Variants in NUDCD1 observed in about 807,000 individuals in gnomAD.
NUDCD1 encodes the protein nudC domain-containing protein 1.
NUDCD1 carries 60 observed loss-of-function variants against 67.8 expected under a neutral mutation model. The ratio of observed to expected loss-of-function variants is 0.88; its 90% CI spans 0.72 to 1.10. NUDCD1 has a LOEUF of 1.10. Among genes scored for constraint, NUDCD1 ranks in the 50% least tolerant of loss-of-function variants. The pLI is 0.00. For missense variants in NUDCD1, 643 were observed against 695.0 expected (o/e 0.93, Z 0.84); for synonymous variants, 244 against 230.8 (o/e 1.06, Z -0.52).
At chr8:109,277,029 T>C (rs1028410888) in intron 6 of NUDCD1, among the ~76,000 whole-genome samples, 2 of 152,154 alleles carry the variant, frequency 1.3e-5, no homozygotes, top group African/African-American at 4.8e-5. Context: ...ATAATAATAG[T>C]AATAATGACC....
Position 109,270,721 on chromosome 8 carries a change from G to GA in NUDCD1, c.1299+283dup, listed in dbSNP as rs79599516. On this transcript the variant is annotated intron_variant, in intron 8 of 9. Coordinates refer to ENST00000239690, the MANE Select transcript of NUDCD1 (RefSeq NM_032869.4). ...AACACTTAAGTCCATACTGTTGAAT[G>GA]AAAAAAAAAAAGTGAAGTTATTATA... is the stretch of plus-strand genomic sequence containing the variant. Among the ~76,000 whole-genome samples, 231 of 143,494 alleles carry GA rather than the reference G, an allele frequency of 1.6e-3. 1 individual carries two copies. The highest frequency in any genetic ancestry group is 4.4e-3 in the African/African-American group (173 of 39,500). 94.1% of individuals were successfully genotyped at this position (143,494 alleles called of 152,430 possible).
At chr8:109,284,340 G>A (rs985254808) in intron 5 of NUDCD1, among the ~76,000 whole-genome samples, 26 of 152,058 alleles carry the variant, frequency 1.7e-4, no homozygotes, top group Non-Finnish European at 7.4e-5. Context: ...CAATAGTGGG[G>A]AACTTCAACA....
chr8:109,331,829 T>A (rs1815815257), intron 1 of NUDCD1, among the ~76,000 whole-genome samples: 2 of 152,238 alleles, frequency 1.3e-5, no homozygotes, highest in African/African-American at 4.8e-5. Flanking sequence ...TATATTGTAA[T>A]GGCTCAATAC....
At chr8:109,253,807 CTG>C (rs1217813751) in intron 8 of NUDCD1, among the ~76,000 whole-genome samples, 3 of 152,104 alleles carry the variant, frequency 2.0e-5, no homozygotes, top group Admixed American at 6.6e-5. Flanking sequence ...AGTATACTTA[CTG>C]TATAATCCTA....
intron 2 of NUDCD1, among the ~76,000 whole-genome samples, chr8:109,319,390 G>C (rs1815479591): frequency 6.6e-6 from 1 of 152,178 alleles, no homozygotes; most frequent in African/African-American, 2.4e-5. Flanking sequence ...GAGACTATCT[G>C]GCCCACAAAG....
At chr8:109,326,671 T>C (rs1815689011) in intron 1 of NUDCD1, among the ~76,000 whole-genome samples, 1 of 152,124 alleles carries the variant, frequency 6.6e-6, no homozygotes, top group Non-Finnish European at 1.5e-5. Flanking sequence ...ACTTAGGGCC[T>C]CAAAAGAAGA....
At chr8:109,324,781 T>C (rs1815631728) in intron 1 of NUDCD1, among the ~76,000 whole-genome samples, 1 of 152,140 alleles carries the variant, frequency 6.6e-6, no homozygotes, top group Non-Finnish European at 1.5e-5. Flanking sequence ...CTGGAGGTCA[T>C]TAAGTGAAAT....
At chr8:109,325,255 G>A (rs780470495) in intron 1 of NUDCD1, among the ~76,000 whole-genome samples, 1 of 152,066 alleles carries the variant, frequency 6.6e-6, no homozygotes, top group African/African-American at 2.4e-5. Flanking sequence ...ACAATTAAAA[G>A]GATTAAGTTC....
intron 2 of NUDCD1, among the ~76,000 whole-genome samples, chr8:109,305,579 G>T (rs1397353544): frequency 6.6e-6 from 1 of 152,016 alleles, no homozygotes; most frequent in African/African-American, 2.4e-5. Context: ...GATACTACAG[G>T]GTACAATCCA....
chr8:109,300,885 G>C (rs900856464), intron 2 of NUDCD1, among the ~76,000 whole-genome samples: 13 of 152,212 alleles, frequency 8.5e-5, no homozygotes, highest in African/African-American at 1.2e-4. Context: ...AAACCTGTCA[G>C]ATTAACAGCA....
At chr8:109,330,643 G>A (rs888472082) in intron 1 of NUDCD1, among the ~76,000 whole-genome samples, 6 of 152,034 alleles carry the variant, frequency 3.9e-5, no homozygotes, top group African/African-American at 1.2e-4. Context: ...TTCAACTCCC[G>A]TATCTGTTCA....
intron 8 of NUDCD1, among the ~76,000 whole-genome samples, chr8:109,251,738 C>T (rs937379983): frequency 2.0e-5 from 3 of 151,986 alleles, no homozygotes; most frequent in Admixed American, 6.6e-5. Context: ...TCTATTATTT[C>T]CTTCTTTCAA....
At chr8:109,322,869 C>A (rs115869370) in intron 1 of NUDCD1, among the ~76,000 whole-genome samples, 148 of 152,242 alleles carry the variant, frequency 9.7e-4, no homozygotes, top group African/African-American at 3.5e-3. Flanking sequence ...ACTATTATCT[C>A]ATTCATTTTA....
At chr8:109,256,264 A>G (rs1813735484) in intron 8 of NUDCD1, among the ~76,000 whole-genome samples, 1 of 152,216 alleles carries the variant, frequency 6.6e-6, no homozygotes, top group Non-Finnish European at 1.5e-5. Flanking sequence ...TAAGATAATC[A>G]GGACTGGATG....
intron 2 of NUDCD1, 30 bp downstream of exon 2, chr8:109,322,279 T>C (rs569982118): frequency 8.1e-6 from 10 of 1,230,894 alleles, no homozygotes; most frequent in East Asian, 2.4e-5. Context: ...TACATACATA[T>C]ATTAATTATT....
intron 3 of NUDCD1, among the ~76,000 whole-genome samples, chr8:109,295,076 T>A (rs79438132): frequency 0.024 from 3,690 of 152,156 alleles, 140 homozygotes; most frequent in African/African-American, 0.084. Flanking sequence ...AGGCACAAGG[T>A]AGAATTAAGT....
At chr8:109,333,247 T>G (rs963663153) in intron 1 of NUDCD1, among the ~76,000 whole-genome samples, 76 of 152,222 alleles carry the variant, frequency 5.0e-4, no homozygotes, top group African/African-American at 1.6e-3. Flanking sequence ...TGCAGATCTC[T>G]GGGCTCTATC....
At chr8:109,323,904 T>G (rs997711090) in intron 1 of NUDCD1, among the ~76,000 whole-genome samples, 1 of 152,024 alleles carries the variant, frequency 6.6e-6, no homozygotes, top group Non-Finnish European at 1.5e-5. Context: ...TAGACTCCTA[T>G]CTCTCATCAT....
At chr8:109,280,429 G>A (rs780773829) in intron 6 of NUDCD1, among the ~76,000 whole-genome samples, 1 of 152,170 alleles carries the variant, frequency 6.6e-6, no homozygotes, top group Non-Finnish European at 1.5e-5. Flanking sequence ...TTACAGGCGT[G>A]AGCCACTGCA....
Sources: allele counts gnomAD v4.1 joint callset (sites outside exome capture counted in the v4.1 genomes callset), GRCh38; gene constraint gnomAD v4.1.1; transcripts MANE v1.5; gene names NCBI Gene and HGNC (gene_info 2026-07-23, HGNC 2026-07-21).